The following HCN1 variants were observed in gnomAD, a reference collection of about 807,000 sequenced individuals.
HCN1 encodes hyperpolarization activated cyclic nucleotide gated potassium channel 1, also known as potassium/sodium hyperpolarization-activated cyclic nucleotide-gated channel 1.
In HCN1, 13 loss-of-function variants were observed where a neutral mutation model predicts 78.9. The ratio of observed to expected loss-of-function variants is 0.16; its 90% CI spans 0.11 to 0.26. HCN1 has a LOEUF of 0.26. Ranked by LOEUF, HCN1 falls within the 10% of genes least tolerant of loss-of-function variation. The pLI, the probability that HCN1 is intolerant of heterozygous loss-of-function variation, is 1.00. For synonymous variants in HCN1, 552 were observed against 455.5 expected, an observed-to-expected ratio of 1.21 and a Z score of -2.70; for missense variants, 810 against 1,154.3, an observed-to-expected ratio of 0.70 and a Z score of 4.32.
At chr5:45,370,681 T>A (rs1361453157) in intron 4 of HCN1, among the ~76,000 whole-genome samples, 1 of 152,106 alleles carries the variant, frequency 6.6e-6, no homozygotes, top group African/African-American at 2.4e-5. Context: ...TTTATTCTTT[T>A]CCAAACTATA....
intron 3 of HCN1, among the ~76,000 whole-genome samples, chr5:45,410,913 C>T (rs1740008887): frequency 6.6e-6 from 1 of 152,062 alleles, no homozygotes; most frequent in South Asian, 2.1e-4. Flanking sequence ...TCCACATAAG[C>T]TGTATACAAG....
chr5:45,330,966 G>A (rs909498741), intron 5 of HCN1, among the ~76,000 whole-genome samples: 2 of 151,096 alleles, frequency 1.3e-5, no homozygotes, highest in Non-Finnish European at 3.0e-5. Context: ...CTTTGTATCT[G>A]TCTTACTTTA....
intron 2 of HCN1, among the ~76,000 whole-genome samples, chr5:45,478,913 G>A (rs1271633509): frequency 6.6e-6 from 1 of 152,112 alleles, no homozygotes; most frequent in Admixed American, 6.5e-5. Flanking sequence ...CATGAGGTCA[G>A]AAGTTCAAGA....
At chr5:45,611,524 A>C (rs185746158) in intron 2 of HCN1, among the ~76,000 whole-genome samples, 7 of 151,970 alleles carry the variant, frequency 4.6e-5, no homozygotes, top group Non-Finnish European at 8.8e-5. Flanking sequence ...TGCTCGCTTC[A>C]GTCTCCCAAA....
intron 2 of HCN1, among the ~76,000 whole-genome samples, chr5:45,540,805 T>C (rs993786691): frequency 2.6e-5 from 4 of 152,200 alleles, no homozygotes; most frequent in Non-Finnish European, 5.9e-5. Context: ...AATCTGATAA[T>C]AATAGCCAAT....
chr5:45,458,167 C>A (rs917161535), intron 3 of HCN1, among the ~76,000 whole-genome samples: 2 of 151,868 alleles, frequency 1.3e-5, no homozygotes, highest in Non-Finnish European at 2.9e-5. Context: ...ATAATTATAG[C>A]ATTGACTTTG....
rs1212611466 is a variant in HCN1, at chr5:45,417,751, C to CAAAAAA, written c.1012-21047_1012-21042dup. 1.5e-3 allele frequency among the ~76,000 whole-genome samples: 22 copies of CAAAAAA among 14,806 alleles called. No homozygotes were observed. In the South Asian group the frequency reaches 0.038, roughly 25 times the overall value. The allele number at this position is 14,806 out of a possible 152,430, so 9.7% of individuals were successfully genotyped here. On this transcript the variant is annotated intron_variant, in intron 3 of 7. Coordinates refer to ENST00000303230, the MANE Select transcript of HCN1 (RefSeq NM_021072.4). ...CCAGGGTCTCATTAGTGTAGAGAGA[C>CAAAAAA]AAAAAAAAAAAAAAAAAAAAAAAAA...
intron 4 of HCN1, among the ~76,000 whole-genome samples, chr5:45,372,873 C>T (rs1050742437): frequency 5.0e-5 from 7 of 141,036 alleles, no homozygotes; most frequent in Non-Finnish European, 7.7e-5. Context: ...AAAATATGTA[C>T]GTATTCTATA....
chr5:45,464,409 A>G (rs534829734), intron 2 of HCN1, among the ~76,000 whole-genome samples: 1 of 152,242 alleles, frequency 6.6e-6, no homozygotes, highest in African/African-American at 2.4e-5. Context: ...CTGGCTTCAT[A>G]CAGTAACTCT....
chr5:45,545,978 A>C (rs1415739996), intron 2 of HCN1, among the ~76,000 whole-genome samples: 2 of 152,068 alleles, frequency 1.3e-5, no homozygotes, highest in Non-Finnish European at 2.9e-5. Flanking sequence ...CATTACATAC[A>C]TACTCTCTGC....
At chr5:45,518,139 C>A (rs1742546427) in intron 2 of HCN1, among the ~76,000 whole-genome samples, 1 of 151,988 alleles carries the variant, frequency 6.6e-6, no homozygotes. Context: ...ACTGAAACAA[C>A]TTTATCTTAG....
chr5:45,487,369 C>A (rs750577435), intron 2 of HCN1, among the ~76,000 whole-genome samples: 1 of 151,972 alleles, frequency 6.6e-6, no homozygotes, highest in African/African-American at 2.4e-5. Context: ...AAAAATATTT[C>A]TTGTTCAATA....
chr5:45,548,297 C>A (rs999067830), intron 2 of HCN1, among the ~76,000 whole-genome samples: 2 of 151,588 alleles, frequency 1.3e-5, no homozygotes, highest in South Asian at 2.1e-4. Flanking sequence ...AGTAAGAATT[C>A]AATGAATATA....
intron 3 of HCN1, among the ~76,000 whole-genome samples, chr5:45,451,647 A>G (rs2111599190): frequency 6.6e-6 from 1 of 152,196 alleles, no homozygotes; most frequent in South Asian, 2.1e-4. Flanking sequence ...TTATAATTTC[A>G]TTGAACTCAG....
chr5:45,267,270 C>T lies in HCN1; in HGVS notation c.1619-17G>A. 6.2e-7 allele frequency: 1 copy of T among 1,612,480 alleles called. No homozygotes were observed. Reference sequence around the variant, plus strand: ...GGCAAATCTCTATAAAAACAAACAACAAAGAAGAATGACTTGTTTGATCAT... The same window carrying T: ...GGCAAATCTCTATAAAAACAAACAATAAAGAAGAATGACTTGTTTGATCAT... On this transcript the variant is annotated splice_polypyrimidine_tract_variant and intron_variant, in intron 6 of 7. Coordinates refer to ENST00000303230, the MANE Select transcript of HCN1 (RefSeq NM_021072.4).
At chr5:45,431,892 G>A (rs1740470975) in intron 3 of HCN1, among the ~76,000 whole-genome samples, 1 of 151,956 alleles carries the variant, frequency 6.6e-6, no homozygotes, top group Admixed American at 6.6e-5. Context: ...TGCTCTTTTT[G>A]CTTAGGATTG....
Position 45,461,870 on chromosome 5 carries a change from G to A in HCN1, c.987C>T (p.Cys329=), listed in dbSNP as rs201361412. ...CAACCATTTCATTTAAAGACACCCA[G>A]CAATCTGGTGGGAAGTCCTGCAGTA... ...VPLLQDFPPD[C]WVSLNEMVND... Residue 329 remains cysteine, a synonymous_variant, in exon 3 of 8, where the codon TGC becomes TGT. Transcript: ENST00000303230. 2.2e-5 allele frequency: 36 copies of A among 1,613,202 alleles called. No individual in the cohort carries two copies. The highest frequency in any genetic ancestry group is 3.0e-5 in the Non-Finnish European group (35 of 1,179,508).
chr5:45,314,940 C>A (rs1271213432), intron 5 of HCN1, among the ~76,000 whole-genome samples: 2 of 152,122 alleles, frequency 1.3e-5, no homozygotes, highest in Non-Finnish European at 2.9e-5. Flanking sequence ...TACAAAGAGA[C>A]CTAGACTCCC....
At chr5:45,321,536 T>C (rs1192856951) in intron 5 of HCN1, among the ~76,000 whole-genome samples, 2 of 151,850 alleles carry the variant, frequency 1.3e-5, no homozygotes, top group Non-Finnish European at 2.9e-5. Context: ...TATTTTGCAA[T>C]AGTGTATATT....
Sources: allele counts gnomAD v4.1 joint callset (sites outside exome capture counted in the v4.1 genomes callset), GRCh38; gene constraint gnomAD v4.1.1; transcripts MANE v1.5; gene names NCBI Gene and HGNC (gene_info 2026-07-23, HGNC 2026-07-21).